Variants in CCNY observed in about 807,000 individuals in gnomAD.
CCNY encodes the protein cyclin Y.
CCNY carries 19 observed loss-of-function variants against 42.8 expected under a neutral mutation model. That is an observed-to-expected ratio of 0.44 (90% confidence interval 0.31 to 0.65). The LOEUF is 0.65. Ranked by LOEUF, CCNY falls within the 30% of genes least tolerant of loss-of-function variation. The pLI, the probability that CCNY is intolerant of heterozygous loss-of-function variation, is 0.07. For missense variants in CCNY, 370 were observed against 437.3 expected (o/e 0.85, Z 1.37); for synonymous variants, 165 against 162.7 (o/e 1.01, Z -0.11).
intron 1 of CCNY, among the ~76,000 whole-genome samples, chr10:35,469,788 C>G (rs1475915631): frequency 1.4e-4 from 17 of 117,720 alleles, no homozygotes; most frequent in African/African-American, 2.7e-4. Context: ...AGATAGGGCA[C>G]TGGAGAGACA....
chr10:35,425,022 G>A (rs1838236310), intron 1 of CCNY, among the ~76,000 whole-genome samples: 1 of 152,174 alleles, frequency 6.6e-6, no homozygotes, highest in South Asian at 2.1e-4. Flanking sequence ...AAGAGGTCCT[G>A]CTGCTGTGTG....
intron 3 of CCNY, among the ~76,000 whole-genome samples, chr10:35,260,793 C>T (rs1357658808): frequency 1.3e-5 from 2 of 152,190 alleles, no homozygotes; most frequent in Non-Finnish European, 2.9e-5. Context: ...ATTTAAAGAT[C>T]GTGGCAGTTC....
intron 1 of CCNY, among the ~76,000 whole-genome samples, chr10:35,419,772 A>T (rs775739188): frequency 6.6e-6 from 1 of 151,292 alleles, no homozygotes; most frequent in Non-Finnish European, 1.5e-5. Context: ...GTGTGCATTT[A>T]TGTGTGTGTG....
At chr10:35,515,393 A>G (rs1840407661) in intron 3 of CCNY, among the ~76,000 whole-genome samples, 1 of 152,248 alleles carries the variant, frequency 6.6e-6, no homozygotes, top group Non-Finnish European at 1.5e-5. Context: ...CATTGTTTAT[A>G]TATTTCTCAG....
Position 35,569,284 on chromosome 10 carries a change from A to T in CCNY, c.*114A>T. The T allele has an allele frequency of 5.7e-6, 4 of 697,890 alleles. No individual in the cohort carries two copies. Among genetic ancestry groups the T allele is most frequent in the Non-Finnish European group, 7.6e-6 (3 of 397,238 alleles). 43.2% of individuals were successfully genotyped at this position (697,890 alleles called of 1,614,324 possible). On this transcript the variant is annotated 3_prime_UTR_variant, in exon 10 of 10. Transcript: ENST00000374704. ...TTTCTTTCCTTTTCTTTTTTTACGC[A>T]TAGCTCCGTCAAGCTGCCTGGATGA...
chr10:35,443,345 T>C (rs1328807994), intron 1 of CCNY, among the ~76,000 whole-genome samples: 3 of 152,274 alleles, frequency 2.0e-5, no homozygotes, highest in South Asian at 2.1e-4. Flanking sequence ...ATAACAGTTA[T>C]AACACAAACA....
chr10:35,287,869 T>C (rs1835372385), intron 3 of CCNY, among the ~76,000 whole-genome samples: 1 of 152,144 alleles, frequency 6.6e-6, no homozygotes, highest in African/African-American at 2.4e-5. Flanking sequence ...TTGGCCACGC[T>C]GCTCTCGAAC....
intron 1 of CCNY, among the ~76,000 whole-genome samples, chr10:35,416,517 A>T (rs143483744): frequency 6.6e-6 from 1 of 152,176 alleles, no homozygotes; most frequent in Non-Finnish European, 1.5e-5. Flanking sequence ...AAAATAATTC[A>T]TGAGTTTGGG....
intron 3 of CCNY, among the ~76,000 whole-genome samples, chr10:35,264,736 C>A (rs548520839): frequency 6.6e-5 from 10 of 152,096 alleles, no homozygotes; most frequent in African/African-American, 1.4e-4. Flanking sequence ...GTCACTGCAA[C>A]CTCAGCCTCC....
At chr10:35,385,996 GTCTT>G (rs977679656) in intron 1 of CCNY, among the ~76,000 whole-genome samples, 2 of 151,952 alleles carry the variant, frequency 1.3e-5, no homozygotes, top group African/African-American at 4.8e-5. Context: ...TTGCTCCTTT[GTCTT>G]TCTGTTTTTT....
intron 1 of CCNY, among the ~76,000 whole-genome samples, chr10:35,440,707 C>T (rs1362180851): frequency 6.6e-6 from 1 of 152,168 alleles, no homozygotes; most frequent in Non-Finnish European, 1.5e-5. Context: ...TGATTCTGGG[C>T]AGCAGAAAGG....
rs1194463849 is a variant in CCNY, at chr10:35,259,353, G to A, written c.-9+8727G>A. ...CTCAGCCTCTTGAGTAGCTAGGAGT[G>A]CACCACCATGCTTGGCTGGTTTTTA... On this transcript the variant is annotated intron_variant, in intron 3 of 11. Transcript: ENST00000374706. 2.0e-5 allele frequency among the ~76,000 whole-genome samples: 3 copies of A among 152,008 alleles called. No homozygotes were observed. The East Asian group carries it at 5.8e-4, about 29-fold the overall frequency.
chr10:35,516,494 G>A, intron 3 of CCNY, 29 bp from the exon 4 acceptor site: 5 of 1,476,092 alleles, frequency 3.4e-6, no homozygotes, highest in South Asian at 1.1e-5. Context: ...CTGTGTAATT[G>A]CCTTAATCTT....
intron 3 of CCNY, among the ~76,000 whole-genome samples, chr10:35,510,894 A>G (rs936791050): frequency 2.0e-5 from 3 of 152,244 alleles, no homozygotes; most frequent in African/African-American, 7.2e-5. Context: ...TAACTTGCCC[A>G]CATTTACACA....
In CCNY at chr10:35,530,249, T is replaced by C. The variant is rs1232550731; in HGVS notation, c.579+6T>C. The C allele has an allele frequency of 6.2e-7, 1 of 1,613,952 alleles. No individual in the cohort carries two copies. Among genetic ancestry groups the C allele is most frequent in the Non-Finnish European group, 8.5e-7 (1 of 1,179,992 alleles). On this transcript the variant is annotated splice_donor_region_variant and intron_variant, in intron 7 of 9. Coordinates refer to ENST00000374704, the MANE Select transcript of CCNY (RefSeq NM_145012.6). This position sits in a 1 kb window ranked among gnomAD's most constrained non-coding sequence, Gnocchi z 4.3. ...AATGTGCCATCGTCACCCTGGTGAG[T>C]GCCCTCAGGATGGCCACACCCATCC...
intron 7 of CCNY, among the ~76,000 whole-genome samples, chr10:35,533,399 A>G (rs1373868406): frequency 2.0e-5 from 3 of 152,130 alleles, no homozygotes; most frequent in South Asian, 2.1e-4. Context: ...GGGGCCTAGC[A>G]AGATTAAGCC....
At chr10:35,475,566 T>C (rs1305020015) in intron 1 of CCNY, among the ~76,000 whole-genome samples, 1 of 150,432 alleles carries the variant, frequency 6.6e-6, no homozygotes, top group Admixed American at 6.6e-5. Flanking sequence ...AGAAATAAAA[T>C]CCTTTACAGA....
chr10:35,438,674 GTT>G (rs1378192347), intron 1 of CCNY, among the ~76,000 whole-genome samples: 2 of 152,162 alleles, frequency 1.3e-5, no homozygotes, highest in Admixed American at 1.3e-4. Context: ...TTGTTACACT[GTT>G]TGCTTCAATT....
intron 1 of CCNY, among the ~76,000 whole-genome samples, chr10:35,367,147 G>A (rs1466379672): frequency 2.0e-5 from 3 of 152,070 alleles, no homozygotes; most frequent in Non-Finnish European, 4.4e-5. Flanking sequence ...TTTAAAACCT[G>A]CTTTTTTTAC....
Sources: gnomAD v4.1 joint callset for allele counts (sites outside exome capture counted in the v4.1 genomes callset) on GRCh38, gnomAD v4.1.1 for gene constraint, Gnocchi (gnomAD v3.1) non-coding constraint, MANE v1.5 for transcripts, NCBI Gene and HGNC (gene_info 2026-07-23, HGNC 2026-07-21) for gene names.